The following SPAG16 variants were observed in gnomAD, a reference collection of about 807,000 sequenced individuals.
SPAG16 encodes sperm associated antigen 16, also known as sperm-associated antigen 16 protein.
Under a neutral mutation model 80.4 loss-of-function variants are expected in SPAG16, and 86 were observed. That is an observed-to-expected ratio of 1.07 (90% CI 0.90 to 1.28). The LOEUF (loss-of-function observed/expected upper bound fraction) is 1.28. Among genes scored for constraint, SPAG16 ranks in the 50% most tolerant of loss-of-function variants. The probability of loss-of-function intolerance (pLI) is 0.00; values close to 1 mark genes in which losing one functional copy is unlikely to be tolerated. For missense variants in SPAG16, 870 were observed against 765.3 expected (o/e 1.14, Z -1.61); for synonymous variants, 294 against 265.9 (o/e 1.11, Z -1.03).
intron 13 of SPAG16, among the ~76,000 whole-genome samples, chr2:214,032,017 A>G (rs1469468247): frequency 6.6e-6 from 1 of 152,214 alleles, no homozygotes; most frequent in Non-Finnish European, 1.5e-5. Flanking sequence ...TCAGTCTTCA[A>G]TAAGTCCAAG....
At position 214,402,540 on chromosome 2, in the gene SPAG16, A is replaced by T. The variant is rs565202290; in HGVS notation, c.1721-7600A>T. On this transcript the variant is annotated intron_variant, in intron 15 of 15. Transcript: ENST00000331683. ...TAAAATATATTCACTGTATTCAAAAATATTATTTGGGTGAGGCTAAGGGGA... is the reference window on the plus strand; with the variant it reads ...TAAAATATATTCACTGTATTCAAAATTATTATTTGGGTGAGGCTAAGGGGA... 5.3e-5 allele frequency among the ~76,000 whole-genome samples: 8 copies of T among 152,186 alleles called. No homozygotes were observed. In the East Asian group the frequency reaches 1.3e-3, roughly 26 times the overall value.
chr2:214,102,017 C>T (rs529199803), intron 13 of SPAG16, among the ~76,000 whole-genome samples: 1 of 151,700 alleles, frequency 6.6e-6, no homozygotes, highest in African/African-American at 2.4e-5. Context: ...TAAGAAAGTG[C>T]ACGCATTTCA....
At chr2:213,807,349 C>T (rs62192731) in intron 10 of SPAG16, among the ~76,000 whole-genome samples, 2 of 151,468 alleles carry the variant, frequency 1.3e-5, no homozygotes, top group African/African-American at 4.9e-5. Context: ...TTTTTTTCCC[C>T]TCAACATTTC....
chr2:214,015,661 G>A (rs571570573), intron 13 of SPAG16, among the ~76,000 whole-genome samples: 1 of 152,094 alleles, frequency 6.6e-6, no homozygotes, highest in South Asian at 2.1e-4. Flanking sequence ...GGGAAGCAAG[G>A]CTAATGGTCA....
At chr2:213,491,365 T>A (rs971575847) in intron 10 of SPAG16, among the ~76,000 whole-genome samples, 1 of 152,202 alleles carries the variant, frequency 6.6e-6, no homozygotes, top group African/African-American at 2.4e-5. Context: ...TTATCTAAAA[T>A]AAGAACTTCA....
At chr2:214,046,588 C>A (rs762954909) in intron 13 of SPAG16, among the ~76,000 whole-genome samples, 1 of 152,018 alleles carries the variant, frequency 6.6e-6, no homozygotes, top group Non-Finnish European at 1.5e-5. Context: ...CAGAATGATA[C>A]TGAATGGAGG....
intron 14 of SPAG16, among the ~76,000 whole-genome samples, 193 bp downstream of exon 14, chr2:214,108,454 C>T (rs1010307985): frequency 4.2e-5 from 4 of 95,564 alleles, no homozygotes; most frequent in African/African-American, 1.7e-4. Context: ...CACACACACA[C>T]ACACACACAC....
intron 10 of SPAG16, among the ~76,000 whole-genome samples, chr2:213,632,765 A>G (rs1328567155): frequency 6.6e-6 from 1 of 152,162 alleles, no homozygotes; most frequent in Non-Finnish European, 1.5e-5. Context: ...GATATGATGT[A>G]TTACATTGAT....
At chr2:213,739,287 A>G (rs1288369096) in intron 10 of SPAG16, among the ~76,000 whole-genome samples, 1 of 152,186 alleles carries the variant, frequency 6.6e-6, no homozygotes, top group African/African-American at 2.4e-5. Context: ...TACTTATTTT[A>G]TAATGTAGGT....
At chr2:213,986,420 AACAT>A (rs1358260575) in intron 12 of SPAG16, among the ~76,000 whole-genome samples, 1 of 152,094 alleles carries the variant, frequency 6.6e-6, no homozygotes, top group Non-Finnish European at 1.5e-5. Context: ...ATATTTGTTT[AACAT>A]ACATTTAAAT....
intron 15 of SPAG16, among the ~76,000 whole-genome samples, chr2:214,157,978 C>G (rs1416432159): frequency 6.6e-6 from 1 of 151,912 alleles, no homozygotes; most frequent in East Asian, 1.9e-4. Context: ...TCAGAAACAT[C>G]GAGAAATTAT....
chr2:213,651,942 C>T (rs2063038758), intron 10 of SPAG16, among the ~76,000 whole-genome samples: 1 of 152,114 alleles, frequency 6.6e-6, no homozygotes, highest in East Asian at 1.9e-4. Context: ...TTTCTATTGG[C>T]AGTAATACCC....
chr2:214,323,636 A>G (rs1696267375), intron 15 of SPAG16, among the ~76,000 whole-genome samples: 1 of 152,202 alleles, frequency 6.6e-6, no homozygotes, highest in Non-Finnish European at 1.5e-5. Flanking sequence ...TGTGGCAAAT[A>G]GATTGCGATA....
chr2:213,915,070 A>G (rs2077888897), intron 11 of SPAG16, among the ~76,000 whole-genome samples: 2 of 152,084 alleles, frequency 1.3e-5, no homozygotes, highest in African/African-American at 4.8e-5. Context: ...ATGAGAATCA[A>G]AGTCACGTCT....
At chr2:214,216,107 G>A (rs2058425226) in intron 15 of SPAG16, among the ~76,000 whole-genome samples, 1 of 152,146 alleles carries the variant, frequency 6.6e-6, no homozygotes, top group Non-Finnish European at 1.5e-5. Context: ...TTTTAAATTG[G>A]TAGAATAATG....
chr2:213,920,359 G>A (rs559156289), intron 11 of SPAG16, among the ~76,000 whole-genome samples: 6 of 152,254 alleles, frequency 3.9e-5, no homozygotes, highest in African/African-American at 7.2e-5. Context: ...TTGTTTGTGC[G>A]GTTGCTTTAT....
chr2:214,294,481 G>A lies in SPAG16; in HGVS notation c.1721-115659G>A, dbSNP rs189224576. Among the ~76,000 whole-genome samples the A allele has an allele frequency of 3.3e-5, 5 of 152,262 alleles. No homozygotes were observed. The East Asian group carries it at 9.6e-4, about 29-fold the overall frequency. On this transcript the variant is annotated intron_variant, in intron 15 of 15. Coordinates refer to ENST00000331683, the MANE Select transcript of SPAG16 (RefSeq NM_024532.5). ...CCATTTTGGTGTCACTTTATGGAGA[G>A]GCATATAATAGCTGCATCTAGTCAA...
intron 3 of SPAG16, among the ~76,000 whole-genome samples, chr2:213,306,605 G>A (rs1042925109): frequency 2.3e-4 from 35 of 151,824 alleles, no homozygotes; most frequent in Non-Finnish European, 4.0e-4. Flanking sequence ...TGGTGGTGAG[G>A]CTTTCTGGAA....
chr2:213,371,923 G>T (rs1420018908), intron 8 of SPAG16, among the ~76,000 whole-genome samples: 1 of 152,084 alleles, frequency 6.6e-6, no homozygotes, highest in Non-Finnish European at 1.5e-5. Flanking sequence ...GATCTGAAAA[G>T]AGTTTTCAAT....
Sources: gnomAD v4.1 joint callset for allele counts (sites outside exome capture counted in the v4.1 genomes callset) on GRCh38, gnomAD v4.1.1 for gene constraint, MANE v1.5 for transcripts, NCBI Gene and HGNC (gene_info 2026-07-23, HGNC 2026-07-21) for gene names.